The following STK32C variants were observed in gnomAD, a reference collection of about 807,000 sequenced individuals.
STK32C encodes serine/threonine-protein kinase 32C.
In STK32C, 31 loss-of-function variants were observed where a neutral mutation model predicts 56.5. The observed-to-expected ratio is 0.55, with a 90% CI of 0.41 to 0.74. The LOEUF (loss-of-function observed/expected upper bound fraction) is 0.74. STK32C is among the 30% of genes least tolerant of loss of function. The pLI is 0.00. For synonymous variants in STK32C, 309 were observed against 289.4 expected (o/e 1.07, Z -0.69); for missense variants, 544 against 676.9 (o/e 0.80, Z 2.18).
Position 132,307,587 on chromosome 10 carries a change from C to G in STK32C, c.247G>C (p.Asp83His). 1 of 1,534,752 alleles carries G rather than the reference C, an allele frequency of 6.5e-7. No individual in the cohort carries two copies. Among genetic ancestry groups the G allele is most frequent in the Non-Finnish European group, 8.8e-7 (1 of 1,140,502 alleles). ...CCGCACTCACCGTCCTCCTTGTCGTCAAACACCGGCCTCCGCGCGGTGGCC... is the reference window on the plus strand; with the variant it reads ...CCGCACTCACCGTCCTCCTTGTCGTGAAACACCGGCCTCCGCGCGGTGGCC... ...SAATARRPVFDDKEDVNFDHF... is the reference protein window; with the variant it reads ...SAATARRPVFHDKEDVNFDHF... The change falls in exon 1 of 12, where the codon GAC (aspartate) becomes CAC (histidine). Residue 83 changes from aspartate to histidine, a missense_variant. Around this residue, in one of 3 missense-constraint regions of STK32C, gnomAD observed 182 missense variants for 217.7 expected, o/e 0.84. Coordinates refer to ENST00000298630, the MANE Select transcript of STK32C (RefSeq NM_173575.4). This position sits in a 1 kb window ranked among gnomAD's most constrained non-coding sequence, Gnocchi z 4.4.
chr10:132,304,566 G>A (rs1033157260), intron 1 of STK32C, among the ~76,000 whole-genome samples: 3 of 152,236 alleles, frequency 2.0e-5, no homozygotes, highest in Non-Finnish European at 4.4e-5. Flanking sequence ...AACAAAGAGA[G>A]AGTGTTTCTC....
At position 132,208,129 on chromosome 10, in the gene STK32C, G is replaced by A; in HGVS notation, c.1342C>T (p.Pro448Ser). Residue 448 changes from proline to serine, a missense_variant, in exon 12 of 12, where the codon CCG becomes TCG. Physicochemically the swap from Pro to Ser is moderately conservative, Grantham distance 74. Coordinates refer to ENST00000298630, the MANE Select transcript of STK32C (RefSeq NM_173575.4). Reference sequence around the variant, plus strand: ...TCAGGGGCGGGGAGAGGCTCCCTCGGGAGGTCCTGGCTCCTCTTCAGCCTG... The same window carrying A: ...TCAGGGGCGGGGAGAGGCTCCCTCGAGAGGTCCTGGCTCCTCTTCAGCCTG... ...REKLKRSQDLPREPLPAPESR... is the reference protein window; with the variant it reads ...REKLKRSQDLSREPLPAPESR... 7.6e-7 allele frequency: 1 copy of A among 1,310,722 alleles called. No homozygotes were observed. The highest frequency in any genetic ancestry group is 9.8e-7 in the Non-Finnish European group (1 of 1,021,374). 81.2% of individuals were successfully genotyped at this position (1,310,722 alleles called of 1,614,324 possible).
intron 1 of STK32C, among the ~76,000 whole-genome samples, chr10:132,328,358 G>T (rs2138494533): frequency 6.6e-6 from 1 of 152,128 alleles, no homozygotes; most frequent in East Asian, 1.9e-4. Context: ...GGTGGTGTCG[G>T]CTGATCTGTG....
At chr10:132,249,698 T>G (rs1190502822) in intron 1 of STK32C, among the ~76,000 whole-genome samples, 3 of 152,282 alleles carry the variant, frequency 2.0e-5, no homozygotes, top group Non-Finnish European at 4.4e-5. Context: ...GCCTTGCCAC[T>G]GTGCACAGCG....
rs138787119 is a variant in STK32C at position 132,217,123 on chromosome 10, C to T, written c.1251+5518G>A. Reference sequence around the variant, plus strand: ...GCCACAGACACTCAATGCCAGCCCACGAAAGCAGCCGGGAGGAAGGCTGTA... The same window carrying T: ...GCCACAGACACTCAATGCCAGCCCATGAAAGCAGCCGGGAGGAAGGCTGTA... On this transcript the variant is annotated intron_variant, in intron 10 of 11. Coordinates refer to ENST00000298630, the MANE Select transcript of STK32C (RefSeq NM_173575.4). Among the ~76,000 whole-genome samples, 767 of 152,350 alleles carry T rather than the reference C, an allele frequency of 5.0e-3. 5 individuals carry two copies. Among genetic ancestry groups the T allele is most frequent in the African/African-American group, 0.018 (729 of 41,574 alleles).
intron 1 of STK32C, among the ~76,000 whole-genome samples, chr10:132,247,407 A>G (rs1457121852): frequency 6.6e-6 from 1 of 152,196 alleles, no homozygotes; most frequent in East Asian, 1.9e-4. Context: ...GGACAGAGTC[A>G]CACACCCAGA....
At chr10:132,276,674 C>A (rs2065006416) in intron 1 of STK32C, among the ~76,000 whole-genome samples, 1 of 152,128 alleles carries the variant, frequency 6.6e-6, no homozygotes, top group Non-Finnish European at 1.5e-5. Context: ...ATAGTCCCAG[C>A]TACTCAGGAG....
intron 2 of STK32C, among the ~76,000 whole-genome samples, chr10:132,231,111 G>A (rs1339262343): frequency 6.6e-6 from 1 of 152,182 alleles, no homozygotes; most frequent in African/African-American, 2.4e-5. Flanking sequence ...CAGCCCCTTG[G>A]CCCTGTGACC....
At chr10:132,276,489 A>G (rs1452588264) in intron 1 of STK32C, among the ~76,000 whole-genome samples, 2 of 152,164 alleles carry the variant, frequency 1.3e-5, no homozygotes, top group Non-Finnish European at 2.9e-5. Flanking sequence ...ATACACTCAG[A>G]GCACAAAAGG....
chr10:132,223,024 A>T, intron 8 of STK32C, 38 bp from the exon 9 acceptor site: 3 of 1,536,544 alleles, frequency 2.0e-6, no homozygotes, highest in Non-Finnish European at 2.6e-6. Flanking sequence ...CAGGGCCCAC[A>T]GCCCACCAGC....
At chr10:132,208,421 C>T (rs2062173712) in intron 11 of STK32C, among the ~76,000 whole-genome samples, 1 of 152,214 alleles carries the variant, frequency 6.6e-6, no homozygotes, top group African/African-American at 2.4e-5. Context: ...AGGTCAGTGA[C>T]TTGGGAATGA....
chr10:132,312,125 G>A (rs190611707), upstream of STK32C, among the ~76,000 whole-genome samples: 1 of 152,210 alleles, frequency 6.6e-6, no homozygotes, highest in Non-Finnish European at 1.5e-5. Context: ...TCCCATCTCA[G>A]GCTCCTGAGT....
chr10:132,259,739 G>A (rs1027992582), intron 1 of STK32C, among the ~76,000 whole-genome samples: 3 of 152,186 alleles, frequency 2.0e-5, no homozygotes, highest in African/African-American at 7.2e-5. Flanking sequence ...CCCAGTCTCA[G>A]GTAGTTCTAG....
chr10:132,214,036 G>T (rs1156522401), intron 10 of STK32C, among the ~76,000 whole-genome samples: 1 of 151,928 alleles, frequency 6.6e-6, no homozygotes, highest in East Asian at 1.9e-4. Flanking sequence ...AATTTCAAAC[G>T]GCACCACACA....
At chr10:132,245,331 T>A (rs1328518418) in intron 2 of STK32C, among the ~76,000 whole-genome samples, 1 of 152,184 alleles carries the variant, frequency 6.6e-6, no homozygotes, top group Non-Finnish European at 1.5e-5. Context: ...CTTTTCCGAG[T>A]GCTCGTTAAG....
intron 10 of STK32C, among the ~76,000 whole-genome samples, chr10:132,220,461 G>A (rs2062600533): frequency 6.6e-6 from 1 of 152,204 alleles, no homozygotes; most frequent in South Asian, 2.1e-4. Flanking sequence ...ATGCTCTATT[G>A]TGAATATCAC....
At chr10:132,231,004 G>T (rs1490385767) in intron 2 of STK32C, among the ~76,000 whole-genome samples, 1 of 152,106 alleles carries the variant, frequency 6.6e-6, no homozygotes, top group South Asian at 2.1e-4. Flanking sequence ...GACACAGACC[G>T]GGTGTCTACT....
At chr10:132,267,832 TGC>T (rs2064622894) in intron 1 of STK32C, among the ~76,000 whole-genome samples, 2 of 142,114 alleles carry the variant, frequency 1.4e-5, no homozygotes, top group Admixed American at 6.9e-5. Context: ...TGTGTGTCAG[TGC>T]GTGTGCATGC....
At chr10:132,273,889 A>G (rs892625951) in intron 1 of STK32C, among the ~76,000 whole-genome samples, 1 of 152,236 alleles carries the variant, frequency 6.6e-6, no homozygotes, top group African/African-American at 2.4e-5. Context: ...GTGAAAGATC[A>G]TAAGAGCCCA....
Sources: gnomAD v4.1 joint callset for allele counts (sites outside exome capture counted in the v4.1 genomes callset) on GRCh38, gnomAD v4.1.1 for gene constraint, gnomAD v4.1.1 regional missense constraint, Gnocchi (gnomAD v3.1) non-coding constraint, MANE v1.5 for transcripts, NCBI Gene and HGNC (gene_info 2026-07-23, HGNC 2026-07-21) for gene names.